Variants in NBAS observed in about 807,000 individuals in gnomAD.
NBAS encodes the protein NBAS subunit of NRZ tethering complex.
In NBAS, 219 loss-of-function variants were observed where a neutral mutation model predicts 302.5. That is an observed-to-expected ratio of 0.72 (90% CI 0.65 to 0.81). NBAS has a LOEUF of 0.81. Ranked by LOEUF, NBAS falls within the 30% of genes least tolerant of loss-of-function variation. NBAS has a pLI of 0.00. For synonymous variants in NBAS, 1,118 were observed against 1,021.6 expected (o/e 1.09, Z -1.80); for missense variants, 2,932 against 2,841.6 (o/e 1.03, Z -0.72).
chr2:15,511,727 G>C (rs1231023664), intron 9 of NBAS, among the ~76,000 whole-genome samples: 1 of 152,162 alleles, frequency 6.6e-6, no homozygotes, highest in Non-Finnish European at 1.5e-5. Flanking sequence ...CTGATGCAAT[G>C]AGGGAGCCAT....
chr2:14,884,839 T>C, the NBAS span, among the ~76,000 whole-genome samples: 2 of 152,202 alleles, frequency 1.3e-5, no homozygotes, highest in East Asian at 3.9e-4. Context: ...TCAGAAGAGA[T>C]GCCTTTGAGC....
the NBAS span, among the ~76,000 whole-genome samples, chr2:15,114,865 A>T: frequency 6.6e-6 from 1 of 152,224 alleles, no homozygotes; most frequent in Non-Finnish European, 1.5e-5. Context: ...ATAGGAAGAT[A>T]AACATATTAT....
chr2:15,556,005 T>G (rs561562512), intron 3 of NBAS, among the ~76,000 whole-genome samples: 1 of 152,208 alleles, frequency 6.6e-6, no homozygotes, highest in South Asian at 2.1e-4. Flanking sequence ...TCCTACTCAT[T>G]GCTCTATCCT....
the NBAS span, among the ~76,000 whole-genome samples, chr2:14,825,312 G>A: frequency 6.6e-6 from 1 of 152,110 alleles, no homozygotes; most frequent in African/African-American, 2.4e-5. Context: ...AGGTTCTACT[G>A]GCATGAAAAG....
At chr2:15,059,965 AAAAAAAAAAAC>A in the NBAS span, among the ~76,000 whole-genome samples, 14,380 of 64,586 alleles carry the variant, frequency 0.22, 1,055 homozygotes, top group African/African-American at 0.45. Flanking sequence ...AAAAAAAAAC[AAAAAAAAAAAC>A]AAAAAAAAAA....
intron 21 of NBAS, among the ~76,000 whole-genome samples, chr2:15,453,037 G>C (rs1322655510): frequency 5.3e-5 from 8 of 152,090 alleles, no homozygotes; most frequent in Admixed American, 5.2e-4. Flanking sequence ...TCACTAGAAG[G>C]GTGAGTGACC....
intron 12 of NBAS, among the ~76,000 whole-genome samples, chr2:15,487,889 T>G (rs1365470079): frequency 6.6e-6 from 1 of 152,146 alleles, no homozygotes; most frequent in Non-Finnish European, 1.5e-5. Context: ...CATATTAACT[T>G]CAAGTTGAAT....
chr2:15,392,689 G>C (rs986067381), intron 28 of NBAS, among the ~76,000 whole-genome samples: 1 of 151,916 alleles, frequency 6.6e-6, no homozygotes, highest in African/African-American at 2.4e-5. Flanking sequence ...ATTTAGGATA[G>C]CAACACTCTC....
At chr2:15,346,391 C>T (rs56684055) in intron 35 of NBAS, among the ~76,000 whole-genome samples, 11,815 of 152,004 alleles carry the variant, frequency 0.078, 1,373 homozygotes, top group African/African-American at 0.25. Flanking sequence ...CCAAGAAACA[C>T]ATGAAAAAAA....
At chr2:14,953,517 C>T in the NBAS span, among the ~76,000 whole-genome samples, 47 of 152,274 alleles carry the variant, frequency 3.1e-4, 1 homozygote, top group African/African-American at 1.1e-3. Flanking sequence ...CTGATCAGGG[C>T]GAGGATCCCC....
At chr2:15,043,236 C>A in the NBAS span, among the ~76,000 whole-genome samples, 3 of 152,228 alleles carry the variant, frequency 2.0e-5, no homozygotes, top group Non-Finnish European at 2.9e-5. Flanking sequence ...GGTCACACAG[C>A]CTGTGGGCAC....
At chr2:15,102,213 A>G in the NBAS span, among the ~76,000 whole-genome samples, 2 of 152,188 alleles carry the variant, frequency 1.3e-5, no homozygotes, top group Non-Finnish European at 2.9e-5. Context: ...AGAAGACGCA[A>G]GGTCAAAACT....
chr2:15,309,044 A>C (rs1202162277), intron 39 of NBAS, 127 bp downstream of exon 39: 3 of 417,164 alleles, frequency 7.2e-6, no homozygotes, highest in South Asian at 4.4e-5. Flanking sequence ...TAAATAAATA[A>C]ATAAATAAAA....
At chr2:14,864,827 A>G in the NBAS span, among the ~76,000 whole-genome samples, 1 of 152,220 alleles carries the variant, frequency 6.6e-6, no homozygotes, top group East Asian at 1.9e-4. Flanking sequence ...AGAATTAAAT[A>G]CGGTAATACA....
intron 40 of NBAS, among the ~76,000 whole-genome samples, chr2:15,294,885 C>A (rs1019979422): frequency 6.6e-6 from 1 of 152,168 alleles, no homozygotes; most frequent in Admixed American, 6.5e-5. Flanking sequence ...CTGGTGCTTT[C>A]AGACTGAAGT....
chr2:15,357,066 C>G (rs1196137433), intron 32 of NBAS, among the ~76,000 whole-genome samples: 2 of 152,154 alleles, frequency 1.3e-5, no homozygotes, highest in African/African-American at 4.8e-5. Flanking sequence ...CCCTCATCCC[C>G]ACCACCAACC....
At chr2:14,827,059 G>A in the NBAS span, among the ~76,000 whole-genome samples, 1 of 152,228 alleles carries the variant, frequency 6.6e-6, no homozygotes, top group Non-Finnish European at 1.5e-5. Context: ...GAAAAGACCA[G>A]AGGTAAGTCT....
intron 11 of NBAS, among the ~76,000 whole-genome samples, chr2:15,496,241 A>AT (rs1468392342): frequency 6.6e-6 from 1 of 152,118 alleles, no homozygotes; most frequent in African/African-American, 2.4e-5. Flanking sequence ...TGGACCACAT[A>AT]TTTTATAATT....
intron 38 of NBAS, among the ~76,000 whole-genome samples, chr2:15,327,521 A>T (rs1672125988): frequency 6.6e-6 from 1 of 152,230 alleles, no homozygotes; most frequent in Non-Finnish European, 1.5e-5. Context: ...AATGATATTC[A>T]TCCCTTTAAA....
Sources: allele counts gnomAD v4.1 joint callset (sites outside exome capture counted in the v4.1 genomes callset), GRCh38; gene constraint gnomAD v4.1.1; transcripts MANE v1.5; gene names NCBI Gene and HGNC (gene_info 2026-07-23, HGNC 2026-07-21).